The following WDFY3 variants were observed in gnomAD, a reference collection of about 807,000 sequenced individuals.
WDFY3 encodes the protein WD repeat and FYVE domain-containing protein 3.
Under a neutral mutation model 409.6 loss-of-function variants are expected in WDFY3, and 66 were observed. The observed-to-expected ratio is 0.16, with a 90% CI of 0.13 to 0.20. The LOEUF is 0.20. Among genes scored for constraint, WDFY3 ranks in the 10% least tolerant of loss-of-function variants. The pLI is 1.00. For missense variants in WDFY3, 3,031 were observed against 4,298.1 expected, an observed-to-expected ratio of 0.71 and a Z score of 8.24; for synonymous variants, 1,521 against 1,537.1, an observed-to-expected ratio of 0.99 and a Z score of 0.25.
chr4:84,725,389 G>T (rs957272571), intron 45 of WDFY3, among the ~76,000 whole-genome samples: 1 of 152,252 alleles, frequency 6.6e-6, no homozygotes, highest in African/African-American at 2.4e-5. Flanking sequence ...TGATGTTTTA[G>T]AACATGATAC....
intron 24 of WDFY3, among the ~76,000 whole-genome samples, chr4:84,784,889 T>C (rs62303114): frequency 0.012 from 608 of 52,032 alleles, 8 homozygotes; most frequent in African/African-American, 0.035. Context: ...TATATATATA[T>C]ATACACACAC....
intron 2 of WDFY3, among the ~76,000 whole-genome samples, chr4:84,914,427 G>GACAAA (rs1242168651): frequency 1.3e-5 from 2 of 151,422 alleles, no homozygotes; most frequent in Non-Finnish European, 2.9e-5. Context: ...AACAAAACAA[G>GACAAA]ACAAAACAAA....
intron 29 of WDFY3, among the ~76,000 whole-genome samples, chr4:84,773,199 T>C (rs1469336673): frequency 6.6e-6 from 1 of 152,202 alleles, no homozygotes; most frequent in Non-Finnish European, 1.5e-5. Context: ...TTTGTACTTC[T>C]TATCTTAACT....
chr4:84,741,756 A>C lies in WDFY3; in HGVS notation c.6234+5T>G. 6.2e-7 allele frequency: 1 copy of C among 1,605,304 alleles called. No individual in the cohort carries two copies. Among genetic ancestry groups the C allele is most frequent in the South Asian group, 1.1e-5 (1 of 90,038 alleles). Reference sequence around the variant, plus strand: ...ACTCTACAACTGATAGTGACAATGGATTACCTGTGCAATTAGTTGAATTAT... The same window carrying C: ...ACTCTACAACTGATAGTGACAATGGCTTACCTGTGCAATTAGTTGAATTAT... On this transcript the variant is annotated splice_donor_5th_base_variant and intron_variant, in intron 38 of 67. Coordinates refer to ENST00000295888, the MANE Select transcript of WDFY3 (RefSeq NM_014991.6).
At chr4:84,718,288 T>G (rs1455919725) in intron 48 of WDFY3, 134 bp downstream of exon 48, 1 of 815,916 alleles carries the variant, frequency 1.2e-6, no homozygotes, top group East Asian at 2.6e-5. Context: ...TGTGAATATG[T>G]AATGATGAAT....
chr4:84,797,812 C>A (rs1042144122), intron 18 of WDFY3, among the ~76,000 whole-genome samples, 184 bp downstream of exon 18: 1 of 152,050 alleles, frequency 6.6e-6, no homozygotes, highest in Non-Finnish European at 1.5e-5. Flanking sequence ...ACCTCGTGAT[C>A]CGCCCGTCTC....
chr4:84,818,422 T>C (rs1208574883), intron 12 of WDFY3, among the ~76,000 whole-genome samples: 5 of 152,174 alleles, frequency 3.3e-5, no homozygotes, highest in Non-Finnish European at 7.4e-5. Flanking sequence ...ACAAACAGTC[T>C]TACTATTATT....
intron 61 of WDFY3, 25 bp downstream of exon 61, chr4:84,690,481 T>C (rs1382234810): frequency 1.2e-6 from 2 of 1,614,052 alleles, no homozygotes; most frequent in Non-Finnish European, 1.7e-6. Context: ...ATGTCCTTCT[T>C]GGCATTTTCT....
intron 10 of WDFY3, among the ~76,000 whole-genome samples, chr4:84,826,196 G>A (rs951232063): frequency 1.2e-4 from 18 of 152,048 alleles, no homozygotes; most frequent in Admixed American, 8.5e-4. Flanking sequence ...TGGTTGCATC[G>A]GTACTGAATA....
chr4:84,915,084 T>C (rs1403835002), intron 2 of WDFY3, among the ~76,000 whole-genome samples: 2 of 152,106 alleles, frequency 1.3e-5, no homozygotes, highest in African/African-American at 4.8e-5. Context: ...AAATGACCAA[T>C]ATTGTATGAT....
chr4:84,877,106 A>T (rs1454238088), intron 3 of WDFY3, among the ~76,000 whole-genome samples: 2 of 152,196 alleles, frequency 1.3e-5, no homozygotes, highest in African/African-American at 4.8e-5. Context: ...AACTTTAAGG[A>T]AAAGTACAAA....
intron 5 of WDFY3, 53 bp from the exon 6 acceptor site, chr4:84,841,316 G>A: frequency 6.8e-7 from 1 of 1,477,902 alleles, no homozygotes; most frequent in Non-Finnish European, 9.3e-7. Flanking sequence ...CATATAAAGA[G>A]GTTCTTCTTT....
At chr4:84,723,392 AATTT>A (rs1735150669) in intron 46 of WDFY3, among the ~76,000 whole-genome samples, 3 of 152,318 alleles carry the variant, frequency 2.0e-5, no homozygotes, top group Admixed American at 2.0e-4. Flanking sequence ...ACTCATTTTT[AATTT>A]ATTAACTCAT....
chr4:84,948,909 C>T (rs1401897127), intron 1 of WDFY3, among the ~76,000 whole-genome samples: 14 of 152,174 alleles, frequency 9.2e-5, no homozygotes, highest in Non-Finnish European at 1.0e-4. Flanking sequence ...TGTTTGCATT[C>T]ATTTCGTCAT....
chr4:84,875,970 T>TA (rs1178833847), intron 3 of WDFY3, among the ~76,000 whole-genome samples: 5 of 152,330 alleles, frequency 3.3e-5, no homozygotes, highest in African/African-American at 1.2e-4. Flanking sequence ...TCCTCTAAAA[T>TA]AAAGATTAAA....
At chr4:84,798,910 A>AACAGCT (rs928676776) in intron 17 of WDFY3, among the ~76,000 whole-genome samples, 3 of 152,184 alleles carry the variant, frequency 2.0e-5, no homozygotes, top group Non-Finnish European at 4.4e-5. Flanking sequence ...GAAAACACAA[A>AACAGCT]ACAGCTAGCA....
chr4:84,942,259 A>G (rs887678760), intron 1 of WDFY3, among the ~76,000 whole-genome samples: 3 of 152,152 alleles, frequency 2.0e-5, no homozygotes, highest in African/African-American at 4.8e-5. Context: ...AATGAAATTA[A>G]GCCAAAAACT....
chr4:84,903,246 A>C (rs1056815152), intron 2 of WDFY3, among the ~76,000 whole-genome samples: 3 of 152,208 alleles, frequency 2.0e-5, no homozygotes, highest in Non-Finnish European at 4.4e-5. Flanking sequence ...AACCTCAGGG[A>C]ATATATAATC....
intron 2 of WDFY3, among the ~76,000 whole-genome samples, chr4:84,901,199 C>T (rs1197785322): frequency 1.3e-5 from 2 of 152,212 alleles, no homozygotes; most frequent in Non-Finnish European, 2.9e-5. Context: ...GGCTCTACCT[C>T]TTAATGCCAT....
Sources: allele counts gnomAD v4.1 joint callset (sites outside exome capture counted in the v4.1 genomes callset), GRCh38; gene constraint gnomAD v4.1.1; transcripts MANE v1.5; gene names NCBI Gene and HGNC (gene_info 2026-07-23, HGNC 2026-07-21).